Variants in SLC35F3 observed in about 807,000 individuals in gnomAD.
SLC35F3 encodes the protein putative thiamine transporter SLC35F3.
A neutral mutation model predicts 49.9 loss-of-function variants in SLC35F3; 25 were observed. That is an observed-to-expected ratio of 0.50 (90% CI 0.37 to 0.70). SLC35F3 has a LOEUF of 0.70. Among genes scored for constraint, SLC35F3 ranks in the 30% least tolerant of loss-of-function variants. SLC35F3 has a pLI of 0.00. For missense variants in SLC35F3, 525 were observed against 639.8 expected, an observed-to-expected ratio of 0.82 and a Z score of 1.94; for synonymous variants, 275 against 265.4, an observed-to-expected ratio of 1.04 and a Z score of -0.35.
At chr1:234,310,440 G>A (rs770663143) in intron 4 of SLC35F3, among the ~76,000 whole-genome samples, 3 of 152,178 alleles carry the variant, frequency 2.0e-5, no homozygotes, top group African/African-American at 7.2e-5. Flanking sequence ...TTTTTAGCTC[G>A]CAGTAGGGGG....
chr1:234,068,823 TTATATA>T (rs10645395), intron 2 of SLC35F3, among the ~76,000 whole-genome samples: 1,439 of 71,114 alleles, frequency 0.02, 184 homozygotes, highest in Middle Eastern at 0.076. Flanking sequence ...ATTTGAGACA[TTATATA>T]TATATATATA....
intron 2 of SLC35F3, among the ~76,000 whole-genome samples, chr1:234,081,084 C>T (rs1182384541): frequency 6.6e-6 from 1 of 152,200 alleles, no homozygotes; most frequent in South Asian, 2.1e-4. Context: ...GCCATATATT[C>T]AATAATAGCC....
chr1:234,190,889 G>A (rs60904647), intron 2 of SLC35F3, among the ~76,000 whole-genome samples: 3,055 of 152,142 alleles, frequency 0.02, 93 homozygotes, highest in African/African-American at 0.069. Flanking sequence ...CGTAGAAATG[G>A]TAACAAAAAA....
rs1165166826 is a variant in SLC35F3, at chr1:233,905,119, G to A, written c.42G>A (p.Lys14=). The A allele has an allele frequency of 1.3e-6, 2 of 1,559,806 alleles. No homozygotes were observed. The highest frequency in any genetic ancestry group is 4.7e-5 in the East Asian group (2 of 42,376). ...REFPSGAPRG[K]SIAVGMRRSP... is the part of the protein sequence containing the mutation. ...TTCCCAGCGGCGCACCCAGGGGCAA[G>A]AGCATTGCCGTGTGAGTAGCGCCCC... Residue 14 remains lysine, a synonymous_variant, in exon 1 of 8, where the codon AAG becomes AAA. Coordinates refer to ENST00000366618, the MANE Select transcript of SLC35F3 (RefSeq NM_173508.4).
chr1:234,099,472 T>G (rs1047285475), intron 2 of SLC35F3, among the ~76,000 whole-genome samples: 2 of 151,812 alleles, frequency 1.3e-5, no homozygotes, highest in Non-Finnish European at 2.9e-5. Context: ...TAGCTGGGTG[T>G]GGTGGCGGGA....
intron 2 of SLC35F3, among the ~76,000 whole-genome samples, chr1:233,933,891 G>A (rs895817450): frequency 3.3e-5 from 5 of 152,202 alleles, no homozygotes; most frequent in African/African-American, 7.2e-5. Flanking sequence ...GGAAGAAAAG[G>A]AGAGTGTCCC....
chr1:234,271,046 C>T (rs1264514113), intron 3 of SLC35F3, among the ~76,000 whole-genome samples: 2 of 152,142 alleles, frequency 1.3e-5, no homozygotes, highest in African/African-American at 4.8e-5. Context: ...TAGGCAATAG[C>T]CTAAGTGTGC....
rs146063250 is a variant in SLC35F3, at chr1:234,058,501, TGCTCA to T, written c.283+152747_283+152751del. ...CTGAGACTATAGGCATGCACCATTATGCTCAGCTAATTTTAAATTTTTTGTAGAGA... is the reference window on the plus strand; with the variant it reads ...CTGAGACTATAGGCATGCACCATTATGCTAATTTTAAATTTTTTGTAGAGA... On this transcript the variant is annotated intron_variant, in intron 2 of 7. Coordinates refer to ENST00000366618, the MANE Select transcript of SLC35F3 (RefSeq NM_173508.4). Among the ~76,000 whole-genome samples the T allele has an allele frequency of 1.1e-3, 164 of 152,026 alleles. 3 individuals carry two copies. In the East Asian group the frequency reaches 0.024, roughly 22 times the overall value.
chr1:233,918,709 G>A (rs571443990), intron 2 of SLC35F3, among the ~76,000 whole-genome samples: 4 of 152,198 alleles, frequency 2.6e-5, no homozygotes, highest in African/African-American at 9.6e-5. Flanking sequence ...GGAGGTTGCA[G>A]TGAGCCAAGA....
chr1:234,315,770 C>T (rs371634041), intron 4 of SLC35F3, among the ~76,000 whole-genome samples: 1 of 152,338 alleles, frequency 6.6e-6, no homozygotes, highest in African/African-American at 2.4e-5. Flanking sequence ...CCACCTCCCA[C>T]CTGGTGACAT....
rs540531462 is a variant in SLC35F3, at chr1:234,282,401, G to T, written c.609-26700G>T. Among the ~76,000 whole-genome samples, 6 of 152,326 alleles carry T rather than the reference G, an allele frequency of 3.9e-5. No homozygotes were observed. In the East Asian group the frequency reaches 1.2e-3, roughly 29 times the overall value. On this transcript the variant is annotated intron_variant, in intron 3 of 7. Transcript: ENST00000366618. Reference sequence around the variant, plus strand: ...AAATTGGTGGTCTTCTCCCACCCCTGCCCTTGGCCTGGGTCTGACCTCAGA... The same window carrying T: ...AAATTGGTGGTCTTCTCCCACCCCTTCCCTTGGCCTGGGTCTGACCTCAGA...
intron 2 of SLC35F3, among the ~76,000 whole-genome samples, chr1:234,062,282 T>A (rs890302357): frequency 1.3e-5 from 2 of 152,162 alleles, no homozygotes; most frequent in African/African-American, 4.8e-5. Context: ...ATACCCTGAG[T>A]CACCCTAGGA....
chr1:233,969,482 G>A (rs1662958122), intron 2 of SLC35F3, among the ~76,000 whole-genome samples: 1 of 152,082 alleles, frequency 6.6e-6, no homozygotes, highest in African/African-American at 2.4e-5. Context: ...CCTTAGTGTG[G>A]CCACCTCCTG....
intron 2 of SLC35F3, among the ~76,000 whole-genome samples, chr1:234,194,480 C>A (rs898696785): frequency 1.3e-5 from 2 of 152,092 alleles, no homozygotes; most frequent in African/African-American, 4.8e-5. Context: ...TAAAAGACTA[C>A]AAATTGGGTT....
intron 2 of SLC35F3, among the ~76,000 whole-genome samples, chr1:233,915,226 A>G (rs575023931): frequency 2.0e-5 from 3 of 152,320 alleles, no homozygotes; most frequent in African/African-American, 4.8e-5. Context: ...CTTCTTCACC[A>G]TCTACTTGTA....
intron 2 of SLC35F3, among the ~76,000 whole-genome samples, chr1:234,040,703 G>A (rs1196547584): frequency 6.6e-6 from 1 of 152,234 alleles, no homozygotes; most frequent in Non-Finnish European, 1.5e-5. Flanking sequence ...GGCTGCATAG[G>A]CACTCTGGCC....
intron 2 of SLC35F3, among the ~76,000 whole-genome samples, chr1:234,068,843 ATATATATATATATGGCATATT>A (rs1664661574): frequency 7.5e-6 from 1 of 133,724 alleles, no homozygotes; most frequent in African/African-American, 2.8e-5. Flanking sequence ...ATATATATAT[ATATATATATATATGGCATATT>A]TATATATATT....
At chr1:234,141,006 T>G (rs1665906939) in intron 2 of SLC35F3, among the ~76,000 whole-genome samples, 1 of 152,188 alleles carries the variant, frequency 6.6e-6, no homozygotes, top group African/African-American at 2.4e-5. Context: ...TAGATTACAT[T>G]TATCATTAGG....
intron 2 of SLC35F3, among the ~76,000 whole-genome samples, chr1:234,008,245 T>C (rs944534960): frequency 1.3e-5 from 2 of 152,206 alleles, no homozygotes; most frequent in Non-Finnish European, 2.9e-5. Context: ...CCATGATTGC[T>C]GGTATTGAAT....
Sources: allele counts gnomAD v4.1 joint callset (sites outside exome capture counted in the v4.1 genomes callset), GRCh38; gene constraint gnomAD v4.1.1; transcripts MANE v1.5; gene names NCBI Gene and HGNC (gene_info 2026-07-23, HGNC 2026-07-21).